MACC1: variants seen among roughly 807,000 people sequenced by gnomAD.
MACC1 encodes MET transcriptional regulator MACC1.
MACC1 carries 79 observed loss-of-function variants against 70.7 expected under a neutral mutation model. The observed-to-expected ratio is 1.12, with a 90% CI of 0.93 to 1.35. The LOEUF (loss-of-function observed/expected upper bound fraction) is 1.35. MACC1 is among the 40% of genes most tolerant of loss of function. The pLI, the probability that MACC1 is intolerant of heterozygous loss-of-function variation, is 0.00. For missense variants in MACC1, 1,106 were observed against 978.1 expected (o/e 1.13, Z -1.74); for synonymous variants, 361 against 347.2 (o/e 1.04, Z -0.44).
At position 20,159,936 on chromosome 7, in the gene MACC1, T is replaced by G; in HGVS notation, c.425A>C (p.Glu142Ala). 1 of 1,614,158 alleles carries G rather than the reference T, an allele frequency of 6.2e-7. No homozygotes were observed. The highest frequency in any genetic ancestry group is 2.2e-5 in the East Asian group (1 of 44,880). Reference protein sequence around the residue: ...RNSGRSKSVSELLDILDDTAH... With the variant: ...RNSGRSKSVSALLDILDDTAH... ...TGTGTCGTCTAAAATGTCCAGAAGT[T>G]CTGAAACACTTTTAGATCTTCCAGA... Residue 142 changes from glutamate (E) to alanine (A), a missense_variant, in exon 5 of 7, where the codon GAA becomes GCA. By Grantham distance (107) the Glu-to-Ala change is moderately radical (BLOSUM62 -1). Coordinates refer to ENST00000400331, the MANE Select transcript of MACC1 (RefSeq NM_182762.4).
At chr7:20,184,740 C>G (rs3095222) in intron 1 of MACC1, among the ~76,000 whole-genome samples, 96,209 of 151,998 alleles carry the variant, frequency 0.63, 31,906 homozygotes, top group East Asian at 0.9. Flanking sequence ...CTCTTAACTA[C>G]AAAAATTTTT....
intron 1 of MACC1, among the ~76,000 whole-genome samples, chr7:20,212,383 C>T (rs1478637964): frequency 1.3e-5 from 2 of 152,154 alleles, no homozygotes; most frequent in Non-Finnish European, 2.9e-5. Flanking sequence ...CCAAGGAAGG[C>T]CCCTATAAAG....
At chr7:20,163,763 A>G (rs1782171369) in intron 3 of MACC1, among the ~76,000 whole-genome samples, 2 of 152,146 alleles carry the variant, frequency 1.3e-5, no homozygotes, top group Non-Finnish European at 2.9e-5. Flanking sequence ...AAACCACAAG[A>G]TTGATTAGCA....
At chr7:20,143,888 CTG>C (rs1404959414) in intron 6 of MACC1, among the ~76,000 whole-genome samples, 2 of 152,122 alleles carry the variant, frequency 1.3e-5, no homozygotes, top group African/African-American at 4.8e-5. Flanking sequence ...GGAGTGTAAG[CTG>C]TAATCTGGCT....
chr7:20,142,617 C>T (rs781008474), intron 6 of MACC1, among the ~76,000 whole-genome samples: 2 of 152,196 alleles, frequency 1.3e-5, no homozygotes, highest in East Asian at 1.9e-4. Context: ...TGAAATCAAA[C>T]TTCTCAAAGT....
intron 3 of MACC1, among the ~76,000 whole-genome samples, chr7:20,162,603 A>C (rs1782155011): frequency 6.6e-6 from 1 of 152,140 alleles, no homozygotes; most frequent in Admixed American, 6.5e-5. Context: ...AGGACACAGA[A>C]TAGAGATCTC....
chr7:20,178,786 C>T (rs1034743993), intron 1 of MACC1, among the ~76,000 whole-genome samples: 2 of 151,814 alleles, frequency 1.3e-5, no homozygotes, highest in African/African-American at 4.8e-5. Context: ...TTTTAGTAGA[C>T]ATGGGGTTTC....
At chr7:20,207,117 C>T (rs1309607601) in intron 1 of MACC1, among the ~76,000 whole-genome samples, 3 of 151,892 alleles carry the variant, frequency 2.0e-5, no homozygotes, top group Non-Finnish European at 4.4e-5. Flanking sequence ...CAAGTTTCAT[C>T]AAATTCAATC....
intron 1 of MACC1, among the ~76,000 whole-genome samples, chr7:20,215,252 T>A (rs1412234689): frequency 2.6e-5 from 4 of 152,162 alleles, no homozygotes; most frequent in Non-Finnish European, 5.9e-5. Context: ...TTACTCTCTT[T>A]AACTATTTAT....
At chr7:20,164,808 T>C (rs1174074947) in intron 2 of MACC1, among the ~76,000 whole-genome samples, 7 of 151,766 alleles carry the variant, frequency 4.6e-5, no homozygotes, top group African/African-American at 1.7e-4. Flanking sequence ...TAAATTAAAA[T>C]GAGGAACAAA....
intron 1 of MACC1, among the ~76,000 whole-genome samples, chr7:20,195,211 G>T (rs1208424406): frequency 6.6e-6 from 1 of 152,054 alleles, no homozygotes; most frequent in African/African-American, 2.4e-5. Context: ...TTGTTTGTTT[G>T]TTTAATATAA....
In MACC1 at chr7:20,159,806, T is replaced by G. The variant is rs1370181828; in HGVS notation, c.555A>C (p.Gln185His). The G allele has an allele frequency of 1.5e-5, 25 of 1,614,022 alleles. No homozygotes were observed. Among genetic ancestry groups the G allele is most frequent in the Non-Finnish European group, 2.0e-5 (24 of 1,180,034 alleles). The change falls in exon 5 of 7, where the codon CAA becomes CAC. Residue 185 changes from glutamine to histidine, a missense_variant. By Grantham distance (24) the Gln-to-His change is conservative. Transcript: ENST00000400331. ...REAYKMAWLS[Q>H]RQLARSCLDL... ...CAAGGCAGGAGCGGGCCAGCTGGCG[T>G]TGACTTAACCAAGCCATTTTATAAG...
chr7:20,186,792 AC>A (rs1782595247), intron 1 of MACC1, among the ~76,000 whole-genome samples: 1 of 152,202 alleles, frequency 6.6e-6, no homozygotes, highest in Non-Finnish European at 1.5e-5. Context: ...AGTATAAATA[AC>A]CTGTAATGTA....
intron 1 of MACC1, among the ~76,000 whole-genome samples, chr7:20,187,206 T>C (rs1422641348): frequency 2.0e-5 from 3 of 152,206 alleles, no homozygotes; most frequent in South Asian, 2.1e-4. Context: ...TTAATGAGCA[T>C]ACATTATTTC....
chr7:20,215,872 T>C (rs532878388), intron 1 of MACC1, among the ~76,000 whole-genome samples: 15 of 152,332 alleles, frequency 9.8e-5, no homozygotes, highest in Admixed American at 2.0e-4. Flanking sequence ...AAATATTCTA[T>C]TTGTAAATTA....
At chr7:20,183,286 A>G (rs1311354127) in intron 1 of MACC1, among the ~76,000 whole-genome samples, 1 of 152,238 alleles carries the variant, frequency 6.6e-6, no homozygotes, top group African/African-American at 2.4e-5. Context: ...AAGAGCTGAG[A>G]GTGGCCCCTG....
rs181399601 is a variant in MACC1, at chr7:20,195,661, T to G, written c.-218+21638A>C. On this transcript the variant is annotated intron_variant, in intron 1 of 6. Transcript: ENST00000400331. ...AAGTGTGCAATCTATGGTTGGTTTT[T>G]TCATCAGGAGAATGTTATTGAAATC... 2.0e-4 allele frequency among the ~76,000 whole-genome samples: 31 copies of G among 152,370 alleles called. No individual in the cohort carries two copies. In the East Asian group the frequency reaches 2.7e-3, roughly 13 times the overall value.
intron 1 of MACC1, among the ~76,000 whole-genome samples, chr7:20,215,639 A>G (rs1309983747): frequency 2.0e-5 from 3 of 152,168 alleles, no homozygotes; most frequent in Non-Finnish European, 4.4e-5. Context: ...CTTATCACCA[A>G]ATGCCATAAG....
chr7:20,171,092 G>A (rs561814486), intron 1 of MACC1, among the ~76,000 whole-genome samples: 3 of 152,132 alleles, frequency 2.0e-5, no homozygotes, highest in South Asian at 2.1e-4. Flanking sequence ...ATACTAATGC[G>A]CATACATGTG....
Sources: allele counts gnomAD v4.1 joint callset (sites outside exome capture counted in the v4.1 genomes callset), GRCh38; gene constraint gnomAD v4.1.1; transcripts MANE v1.5; gene names NCBI Gene and HGNC (gene_info 2026-07-23, HGNC 2026-07-21).